The following UTRN variants were observed in gnomAD, a reference collection of about 807,000 sequenced individuals.
UTRN encodes the protein dystrophin-related protein 1.
Under a neutral mutation model 463.9 loss-of-function variants are expected in UTRN, and 283 were observed. The ratio of observed to expected loss-of-function variants is 0.61; its 90% confidence interval spans 0.55 to 0.67. The LOEUF is 0.67. Among genes scored for constraint, UTRN ranks in the 30% least tolerant of loss-of-function variants. The pLI, the probability that UTRN is intolerant of heterozygous loss-of-function variation, is 0.00. For synonymous variants in UTRN, 1,442 were observed against 1,431.5 expected (o/e 1.01, Z -0.17); for missense variants, 3,922 against 4,084.3 (o/e 0.96, Z 1.08).
chr6:144,342,795 G>C (rs1211716454), intron 2 of UTRN, among the ~76,000 whole-genome samples: 2 of 152,176 alleles, frequency 1.3e-5, no homozygotes, highest in East Asian at 3.9e-4. Context: ...CAGTGTAAAT[G>C]AGCTAATTGT....
intron 47 of UTRN, among the ~76,000 whole-genome samples, chr6:144,549,469 C>T (rs909499353): frequency 6.6e-5 from 10 of 152,186 alleles, no homozygotes; most frequent in East Asian, 1.9e-4. Flanking sequence ...GTATTGTACA[C>T]GTTATCTCAT....
rs748417142 is a variant in UTRN, at chr6:144,836,544, AG to A, written c.10065+6del. The stretch of plus-strand genomic sequence containing the variant: ...GCCTCCGACAGCTGCTGGAGCAGGT[AG>A]GGTGTGTAGAATTCAGCGTCACACC... On this transcript the variant is annotated splice_donor_region_variant and intron_variant, in intron 71 of 74. Transcript: ENST00000367545. 6.2e-6 allele frequency: 10 copies of A among 1,612,892 alleles called. No homozygotes were observed. Among genetic ancestry groups the A allele is most frequent in the Non-Finnish European group, 8.5e-6 (10 of 1,179,854 alleles).
At chr6:144,340,986 G>GT (rs1165278185) in intron 2 of UTRN, among the ~76,000 whole-genome samples, 63 of 152,208 alleles carry the variant, frequency 4.1e-4, no homozygotes, top group African/African-American at 1.4e-3. Context: ...ATAGAATCTA[G>GT]TTTGGAAGTT....
At chr6:144,780,273 T>C (rs1775704738) in intron 60 of UTRN, among the ~76,000 whole-genome samples, 1 of 152,190 alleles carries the variant, frequency 6.6e-6, no homozygotes, top group African/African-American at 2.4e-5. Flanking sequence ...TTATTTTTTC[T>C]CTTTGCCTCT....
chr6:144,617,353 T>C (rs1334289186), intron 51 of UTRN, among the ~76,000 whole-genome samples: 4 of 152,342 alleles, frequency 2.6e-5, no homozygotes, highest in African/African-American at 9.6e-5. Flanking sequence ...CAATTAACTA[T>C]TCTGAAACCA....
chr6:144,369,595 A>G (rs1480779520), intron 2 of UTRN, among the ~76,000 whole-genome samples: 3 of 152,226 alleles, frequency 2.0e-5, no homozygotes, highest in African/African-American at 7.2e-5. Context: ...CAGCCTGGCA[A>G]CAGAGCGAGA....
At chr6:144,386,889 A>G (rs939424325) in intron 2 of UTRN, among the ~76,000 whole-genome samples, 1 of 149,994 alleles carries the variant, frequency 6.7e-6, no homozygotes, top group Non-Finnish European at 1.5e-5. Context: ...AACTCAATAT[A>G]AAAAAAAACC....
intron 7 of UTRN, 106 bp from the exon 8 acceptor site, chr6:144,428,672 C>A: frequency 3.5e-6 from 2 of 567,102 alleles, no homozygotes; most frequent in Non-Finnish European, 5.8e-6. Flanking sequence ...TCAAAAAAAC[C>A]TCACAAATAA....
intron 1 of UTRN, among the ~76,000 whole-genome samples, chr6:144,289,482 T>A (rs1296558237): frequency 6.6e-6 from 1 of 152,112 alleles, no homozygotes; most frequent in Non-Finnish European, 1.5e-5. Flanking sequence ...TTTTATTATT[T>A]AAAATTTTTA....
chr6:144,292,624 A>C (rs1804344604), intron 2 of UTRN, among the ~76,000 whole-genome samples: 1 of 152,226 alleles, frequency 6.6e-6, no homozygotes, highest in East Asian at 1.9e-4. Flanking sequence ...AAAAGCTTCA[A>C]ATATGATTCT....
intron 66 of UTRN, among the ~76,000 whole-genome samples, chr6:144,822,559 T>C (rs1036875592): frequency 6.6e-6 from 1 of 152,130 alleles, no homozygotes; most frequent in African/African-American, 2.4e-5. Flanking sequence ...TTTTGCATAG[T>C]ACAATTTAGA....
At chr6:144,633,725 A>G (rs923949211) in intron 51 of UTRN, among the ~76,000 whole-genome samples, 3 of 152,248 alleles carry the variant, frequency 2.0e-5, no homozygotes, top group Non-Finnish European at 4.4e-5. Flanking sequence ...TATTTGATGA[A>G]TTAACTGCAT....
At chr6:144,824,770 TGG>T (rs1562955436) in intron 66 of UTRN, among the ~76,000 whole-genome samples, 1 of 114,660 alleles carries the variant, frequency 8.7e-6, no homozygotes, top group Non-Finnish European at 1.7e-5. Flanking sequence ...GTGAAGTTGG[TGG>T]TGGGGGGGGG....
chr6:144,570,697 T>C (rs1800859568), intron 50 of UTRN, among the ~76,000 whole-genome samples: 1 of 152,210 alleles, frequency 6.6e-6, no homozygotes, highest in African/African-American at 2.4e-5. Flanking sequence ...AATGTTCCAC[T>C]GGTCACCAAA....
intron 17 of UTRN, among the ~76,000 whole-genome samples, chr6:144,450,970 G>T (rs1788223504): frequency 6.6e-6 from 1 of 152,034 alleles, no homozygotes; most frequent in Admixed American, 6.6e-5. Flanking sequence ...AAAATTAGCT[G>T]GGTGTGGTGG....
intron 2 of UTRN, among the ~76,000 whole-genome samples, chr6:144,337,944 G>A (rs1776862187): frequency 6.6e-6 from 1 of 152,142 alleles, no homozygotes; most frequent in Admixed American, 6.6e-5. Flanking sequence ...TTTGATGATG[G>A]CGGCTTCGAT....
chr6:144,848,250 C>T (rs1452022024), intron 74 of UTRN, among the ~76,000 whole-genome samples: 1 of 152,122 alleles, frequency 6.6e-6, no homozygotes, highest in Non-Finnish European at 1.5e-5. Context: ...TGACTATAAG[C>T]AGCATTAAAG....
chr6:144,760,545 A>G (rs1792540614), intron 58 of UTRN, among the ~76,000 whole-genome samples: 1 of 152,164 alleles, frequency 6.6e-6, no homozygotes, highest in African/African-American at 2.4e-5. Flanking sequence ...TTCATTGTGT[A>G]ATTTAACAGT....
At chr6:144,431,122 G>A (rs1785795205) in intron 9 of UTRN, among the ~76,000 whole-genome samples, 1 of 152,018 alleles carries the variant, frequency 6.6e-6, no homozygotes, top group Admixed American at 6.5e-5. Flanking sequence ...CTTTTTAGTT[G>A]GCTCAGATGA....
Sources: allele counts gnomAD v4.1 joint callset (sites outside exome capture counted in the v4.1 genomes callset), GRCh38; gene constraint gnomAD v4.1.1; transcripts MANE v1.5; gene names NCBI Gene and HGNC (gene_info 2026-07-23, HGNC 2026-07-21).